Variants in MSS51 observed in about 807,000 individuals in gnomAD.
MSS51 encodes the protein putative protein MSS51 homolog, mitochondrial.
In MSS51, 32 loss-of-function variants were observed where a neutral mutation model predicts 40.2. That is an observed-to-expected ratio of 0.80 (90% CI 0.60 to 1.07). The LOEUF is 1.07. MSS51 is among the 50% of genes least tolerant of loss of function. The pLI, the probability that MSS51 is intolerant of heterozygous loss-of-function variation, is 0.00. For missense variants in MSS51, 518 were observed against 568.9 expected (o/e 0.91, Z 0.91); for synonymous variants, 178 against 214.2 (o/e 0.83, Z 1.48).
chr10:73,427,560 G>A (rs1220854915), intron 3 of MSS51, 53 bp downstream of exon 3: 19 of 1,544,096 alleles, frequency 1.2e-5, no homozygotes, highest in Middle Eastern at 2.2e-4. Context: ...CATCATGCCC[G>A]GCTAATACAG....
rs1297655920 is a variant in MSS51, at chr10:73,425,937, T to C, written c.943A>G (p.Thr315Ala). 1 of 1,614,172 alleles carries C rather than the reference T, an allele frequency of 6.2e-7. No homozygotes were observed. The highest frequency in any genetic ancestry group is 8.5e-7 in the Non-Finnish European group (1 of 1,180,026). ...ATTGTGCCAGGTTCCAGGGGTGAAG[T>C]TGAGGTGCTCTGTGAAAAGCCAGTA... The part of the protein sequence containing the change: ...VATGFSQSTS[T>A]SPLEPGTIQL... The change falls in exon 5 of 7, where the codon ACT (threonine) becomes GCT (alanine). Residue 315 changes from threonine (T) to alanine (A), a missense_variant. By Grantham distance (58) the Thr-to-Ala change is moderately conservative (BLOSUM62 0). Coordinates refer to ENST00000299432, the MANE Select transcript of MSS51 (RefSeq NM_001024593.2).
intron 1 of MSS51, among the ~76,000 whole-genome samples, chr10:73,429,261 G>A (rs376109005): frequency 5.3e-5 from 8 of 152,128 alleles, no homozygotes; most frequent in African/African-American, 1.9e-4. Context: ...TAAGAAGGCA[G>A]TTAAATAGGA....
rs1483578340 is a variant in MSS51 at position 73,424,763 on chromosome 10, C to A, written c.1173G>T (p.Glu391Asp). Residue 391 changes from glutamate (E) to aspartate (D), a missense_variant, in exon 7 of 7, where the codon GAG becomes GAT. Glu to Asp is a conservative substitution (Grantham distance 45). Transcript: ENST00000299432. ...PTLITVYSHQ[E>D]LVSSLQILVE... ...CCAGAATCTGCAAAGAGGATACCAA[C>A]TCCTGATGGCTGTAGAAGAGAGAGA... 1 of 1,612,840 alleles carries A rather than the reference C, an allele frequency of 6.2e-7. No homozygotes were observed. The highest frequency in any genetic ancestry group is 1.1e-5 in the South Asian group (1 of 91,060).
At chr10:73,432,700 C>T (rs918974027) in intron 1 of MSS51, among the ~76,000 whole-genome samples, 4 of 152,232 alleles carry the variant, frequency 2.6e-5, no homozygotes, top group Non-Finnish European at 5.9e-5. Flanking sequence ...GCACAATGTT[C>T]ATGATACAAA....
chr10:73,426,623 T>C lies in MSS51; in HGVS notation c.486A>G (p.Glu162=). 6.2e-7 allele frequency: 1 copy of C among 1,614,178 alleles called. No individual in the cohort carries two copies. Among genetic ancestry groups the C allele is most frequent in the South Asian group, 1.1e-5 (1 of 91,080 alleles). ...LRLVAVDRLM[E]WLLVTGDFVL... ...CCACTCCACCTGTGACCAGAAGCCA[T>C]TCCATGAGACGGTCCACAGCCACAA... Residue 162 remains glutamate (E), a synonymous_variant, in exon 4 of 7, where the codon GAA becomes GAG. Coordinates refer to ENST00000299432, the MANE Select transcript of MSS51 (RefSeq NM_001024593.2).
intron 6 of MSS51, 26 bp downstream of exon 6, chr10:73,425,072 T>C (rs2055971614): frequency 4.6e-6 from 7 of 1,535,070 alleles, no homozygotes; most frequent in Non-Finnish European, 6.3e-6. Flanking sequence ...GTCAGGGAAG[T>C]ATCACAAATA....
Position 73,428,057 on chromosome 10 carries a change from C to T in MSS51, c.221+7G>A. 1 of 1,612,622 alleles carries T rather than the reference C, an allele frequency of 6.2e-7. No homozygotes were observed. On this transcript the variant is annotated splice_region_variant and intron_variant, in intron 2 of 6. Coordinates refer to ENST00000299432, the MANE Select transcript of MSS51 (RefSeq NM_001024593.2). ...TATATCCCTTTTCCATAGAGCTGGT[C>T]ACTCACTTATATTCTTCATAGCTTT...
chr10:73,433,462 A>C (rs2056043918), intron 1 of MSS51, 51 bp downstream of exon 1: 1 of 152,052 alleles, frequency 6.6e-6, no homozygotes, highest in African/African-American at 2.4e-5. Flanking sequence ...TAAATACTTT[A>C]CTCAATTATA....
chr10:73,427,542 G>T, intron 3 of MSS51, 71 bp downstream of exon 3: 1 of 1,490,738 alleles, frequency 6.7e-7, no homozygotes, highest in Non-Finnish European at 9.1e-7. Context: ...GGAATTACAG[G>T]CATGAGTCAT....
Position 73,433,114 on chromosome 10 carries a change from AG to A in MSS51, c.-18+398del, listed in dbSNP as rs71021551. Among the ~76,000 whole-genome samples, 464 of 152,338 alleles carry A rather than the reference AG, an allele frequency of 3.0e-3. 1 individual carries two copies. Among genetic ancestry groups the A allele is most frequent in the Non-Finnish European group, 3.9e-3 (266 of 68,024 alleles). On this transcript the variant is annotated intron_variant, in intron 1 of 6. Coordinates refer to ENST00000299432, the MANE Select transcript of MSS51 (RefSeq NM_001024593.2). Reference sequence around the variant, plus strand: ...AGAGGAGACATGATCTTGATTGCCTAGAAAAACTTTTATCCTTCATGTCCAA... The same window carrying A: ...AGAGGAGACATGATCTTGATTGCCTAAAAAACTTTTATCCTTCATGTCCAA...
intron 6 of MSS51, 93 bp from the exon 7 acceptor site, chr10:73,424,865 T>TC: frequency 9.3e-7 from 1 of 1,071,278 alleles, no homozygotes; most frequent in Non-Finnish European, 1.4e-6. Flanking sequence ...TAATCACCCA[T>TC]CCCCCAAATT....
intron 1 of MSS51, among the ~76,000 whole-genome samples, chr10:73,429,116 G>A (rs1051776717): frequency 1.1e-4 from 16 of 152,174 alleles, no homozygotes; most frequent in Admixed American, 9.2e-4. Context: ...TGAGGCAGGA[G>A]AACTGCTTGA....
chr10:73,426,998 G>A (rs557379110), intron 3 of MSS51, among the ~76,000 whole-genome samples: 1 of 152,174 alleles, frequency 6.6e-6, no homozygotes, highest in Non-Finnish European at 1.5e-5. Flanking sequence ...AAAACACCAC[G>A]AGTTTGCAGC....
Position 73,427,730 on chromosome 10 carries a change from C to A in MSS51, c.260G>T (p.Gly87Val). The A allele has an allele frequency of 6.2e-7, 1 of 1,614,192 alleles. No individual in the cohort carries two copies. Among genetic ancestry groups the A allele is most frequent in the Non-Finnish European group, 8.5e-7 (1 of 1,180,032 alleles). Residue 87 changes from glycine (G) to valine (V), a missense_variant, in exon 3 of 7, where the codon GGA becomes GTA. Gly to Val is a moderately radical substitution (Grantham distance 109, BLOSUM62 -3). Coordinates refer to ENST00000299432, the MANE Select transcript of MSS51 (RefSeq NM_001024593.2). ...VDGGTPVSGFGFRCPQEMFQR... is the reference protein window; with the variant it reads ...VDGGTPVSGFVFRCPQEMFQR... ...GAACATTTCTTGAGGACATCGAAAT[C>A]CAAAGCCTGATACGGGGGTACCCCC...
At chr10:73,427,859 C>T in intron 2 of MSS51, 91 bp from the exon 3 acceptor site, 1 of 1,449,404 alleles carries the variant, frequency 6.9e-7, no homozygotes, top group South Asian at 1.3e-5. Context: ...TACACATTTC[C>T]ACTTACTCCT....
intron 4 of MSS51, 105 bp from the exon 5 acceptor site, chr10:73,426,482 G>C (rs1231833517): frequency 5.7e-6 from 9 of 1,577,434 alleles, no homozygotes; most frequent in Non-Finnish European, 6.9e-6. Context: ...GCCAACCTGT[G>C]AGCAGGCGTG....
At chr10:73,430,264 C>T (rs1464788524) in intron 1 of MSS51, among the ~76,000 whole-genome samples, 1 of 152,036 alleles carries the variant, frequency 6.6e-6, no homozygotes, top group East Asian at 1.9e-4. Flanking sequence ...ATAAATTGGA[C>T]AGCAAAATTA....
In MSS51 at chr10:73,431,294, C is replaced by T. The variant is rs1316179193; in HGVS notation, c.-18+2219G>A. Among the ~76,000 whole-genome samples the T allele has an allele frequency of 3.3e-5, 5 of 152,174 alleles. No individual in the cohort carries two copies. In the East Asian group the frequency reaches 9.6e-4, roughly 29 times the overall value. ...TTAATTTTATGTTATATGATTTTCA[C>T]TTCGATTAAAAAAGAAAGGAAGGAA... is the stretch of plus-strand genomic sequence containing the variant. On this transcript the variant is annotated intron_variant, in intron 1 of 6. Transcript: ENST00000299432.
rs749930543 is a variant in MSS51 at position 73,426,352 on chromosome 10, A to G, written c.528T>C (p.Pro176=). Reference sequence around the variant, plus strand: ...GTACAGCTTCAGGTGGCCATGGCCAAGGTCCTGAGGGTAGAACAAAATCAC... The same window carrying G: ...GTACAGCTTCAGGTGGCCATGGCCAGGGTCCTGAGGGTAGAACAAAATCAC... ...VTGDFVLPSG[P]WPWPPEAVQD... is the part of the protein sequence containing the mutation. The change falls in exon 5 of 7, where the codon CCT becomes CCC. Residue 176 remains proline (P), a synonymous_variant. Coordinates refer to ENST00000299432, the MANE Select transcript of MSS51 (RefSeq NM_001024593.2). The G allele has an allele frequency of 1.9e-6, 3 of 1,602,614 alleles. No homozygotes were observed. In the Admixed American group the frequency reaches 5.0e-5, roughly 27 times the overall value.
Sources: allele counts gnomAD v4.1 joint callset (sites outside exome capture counted in the v4.1 genomes callset), GRCh38; gene constraint gnomAD v4.1.1; transcripts MANE v1.5; gene names NCBI Gene and HGNC (gene_info 2026-07-23, HGNC 2026-07-21).